The following PEX5 variants were observed in gnomAD, a reference collection of about 807,000 sequenced individuals.
The protein encoded by PEX5 is peroxisomal biogenesis factor 5.
A neutral mutation model predicts 82.9 loss-of-function variants in PEX5; 52 were observed. The observed-to-expected ratio is 0.63, with a 90% CI of 0.50 to 0.79. PEX5 has a LOEUF of 0.79. Ranked by LOEUF, PEX5 falls within the 30% of genes least tolerant of loss-of-function variation. PEX5 has a pLI of 0.00. For missense variants in PEX5, 719 were observed against 815.2 expected (o/e 0.88, Z 1.44); for synonymous variants, 300 against 318.8 (o/e 0.94, Z 0.63).
chr12:7,197,258 ATAAT>A (rs757415844), intron 5 of PEX5, among the ~76,000 whole-genome samples: 2 of 106,428 alleles, frequency 1.9e-5, no homozygotes, highest in South Asian at 3.0e-4. Context: ...GTCATATGTA[ATAAT>A]TATATATGTC....
chr12:7,209,865 ATGAATGAGCTT>A (rs1490403309), intron 15 of PEX5, 25 bp downstream of exon 15: 1 of 1,613,794 alleles, frequency 6.2e-7, no homozygotes, highest in South Asian at 1.1e-5. Context: ...TGAGAAATGA[ATGAATGAGCTT>A]TTTCTCCCTG....
chr12:7,196,390 TCATA>T (rs1332069823), intron 5 of PEX5, among the ~76,000 whole-genome samples: 31 of 138,222 alleles, frequency 2.2e-4, no homozygotes, highest in African/African-American at 6.4e-4. Context: ...TAATTATGTG[TCATA>T]CATATATGTG....
Position 7,202,610 on chromosome 12 carries a change from A to G in PEX5, c.754-2A>G. On this transcript the variant is annotated splice_acceptor_variant, in intron 8 of 15. Coordinates refer to ENST00000675855, the MANE Select transcript of PEX5 (RefSeq NM_001351132.2). LOFTEE classifies it high-confidence loss of function. Reference sequence around the variant, plus strand: ...GGTACTGACCATCCTTTTTTGTCGCAGGGTACATCAGATGCCTGGGTTGAC... The same window carrying G: ...GGTACTGACCATCCTTTTTTGTCGCGGGGTACATCAGATGCCTGGGTTGAC... 1 of 1,613,586 alleles carries G rather than the reference A, an allele frequency of 6.2e-7. No individual in the cohort carries two copies. The highest frequency in any genetic ancestry group is 8.5e-7 in the Non-Finnish European group (1 of 1,179,520).
At chr12:7,202,523 C>A in intron 8 of PEX5, 89 bp from the exon 9 acceptor site, 1 of 1,403,748 alleles carries the variant, frequency 7.1e-7, no homozygotes, top group Non-Finnish European at 1.0e-6. Flanking sequence ...CAGAAGTACC[C>A]AGGTTGGTGG....
At chr12:7,199,565 T>C (rs1386229861) in intron 6 of PEX5, among the ~76,000 whole-genome samples, 2 of 151,734 alleles carry the variant, frequency 1.3e-5, no homozygotes, top group Non-Finnish European at 2.9e-5. Context: ...AGAATTTTTC[T>C]TAGTACAGAA....
At chr12:7,203,399 C>T (rs1056950456) in intron 9 of PEX5, 33 bp from the exon 10 acceptor site, 19 of 1,597,940 alleles carry the variant, frequency 1.2e-5, no homozygotes, top group African/African-American at 5.4e-5. Flanking sequence ...CATGATGGAT[C>T]TCCTTTTTCT....
At position 7,203,199 on chromosome 12, in the gene PEX5, C is replaced by A. The variant is rs74462009; in HGVS notation, c.847-233C>A. Among the ~76,000 whole-genome samples the A allele has an allele frequency of 0.31, 37,740 of 121,404 alleles. 13,006 individuals carry two copies. The highest frequency in any genetic ancestry group is 0.34 in the African/African-American group (11,587 of 34,110). The allele number at this position is 121,404 out of a possible 152,430, so 79.6% of individuals were successfully genotyped here. A position where few individuals can be genotyped will look rare whatever the true frequency, so the allele number is the denominator to read the frequency against. On this transcript the variant is annotated intron_variant, in intron 9 of 15. Transcript: ENST00000675855. ...CTAAACTATGCACTGCACTGCACTG[C>A]ACTGCACTGCACTGCACTGCACTAC... is the stretch of plus-strand genomic sequence containing the variant.
At chr12:7,203,578 G>A in intron 10 of PEX5, 27 bp downstream of exon 10, 2 of 1,606,666 alleles carry the variant, frequency 1.2e-6, no homozygotes, top group Non-Finnish European at 1.7e-6. Context: ...TAGTTTTTCA[G>A]GTTCCAGAAC....
chr12:7,190,860 A>G (rs745770643), intron 2 of PEX5, 28 bp from the exon 3 acceptor site: 2 of 1,609,816 alleles, frequency 1.2e-6, no homozygotes, highest in Non-Finnish European at 1.7e-6. Flanking sequence ...GAACTGCGTC[A>G]TTGTACATCT....
intron 6 of PEX5, 75 bp from the exon 7 acceptor site, chr12:7,201,676 T>C: frequency 9.6e-7 from 1 of 1,040,694 alleles, no homozygotes; most frequent in Non-Finnish European, 1.5e-6. Context: ...GTCATTGTCA[T>C]GGGCTAGGAG....
At chr12:7,202,513 C>T in intron 8 of PEX5, 99 bp from the exon 9 acceptor site, 2 of 1,386,960 alleles carry the variant, frequency 1.4e-6, no homozygotes, top group East Asian at 2.3e-5. Context: ...ATGATTTTCT[C>T]AGAAGTACCC....
At chr12:7,214,570 G>A (rs1239288630), downstream of PEX5, among the ~76,000 whole-genome samples, 1 of 102,432 alleles carries the variant, frequency 9.8e-6, no homozygotes, top group Non-Finnish European at 1.8e-5. Context: ...CTGTTGTGGG[G>A]TGGGGGGAGG....
intron 5 of PEX5, 89 bp from the exon 6 acceptor site, chr12:7,198,922 G>C (rs1943215232): frequency 1.4e-6 from 1 of 714,630 alleles, no homozygotes; most frequent in Admixed American, 2.1e-5. Context: ...TGGCTAAGAG[G>C]GTCAGTTGAA....
downstream of PEX5, among the ~76,000 whole-genome samples, chr12:7,213,424 C>T (rs745791692): frequency 9.4e-4 from 105 of 112,062 alleles, no homozygotes; most frequent in African/African-American, 3.1e-3. Context: ...GAAATAACAC[C>T]GCATATCTAC....
chr12:7,213,422 A>T (rs771636885), downstream of PEX5, among the ~76,000 whole-genome samples: 7 of 115,118 alleles, frequency 6.1e-5, no homozygotes, highest in Admixed American at 9.4e-5. Flanking sequence ...CAGAAATAAC[A>T]CCGCATATCT....
intron 5 of PEX5, among the ~76,000 whole-genome samples, chr12:7,192,130 A>T (rs192469133): frequency 1.4e-4 from 22 of 152,360 alleles, no homozygotes; most frequent in Non-Finnish European, 1.5e-5. Flanking sequence ...GAAGGTAAAG[A>T]CCATACCATG....
intron 5 of PEX5, 120 bp downstream of exon 5, chr12:7,191,820 G>A: frequency 1.1e-6 from 1 of 928,696 alleles, no homozygotes; most frequent in Non-Finnish European, 1.8e-6. Flanking sequence ...TTTCTAGAGG[G>A]GTAGGGTACT....
Position 7,197,442 on chromosome 12 carries a change from A to G in PEX5, c.449-1569A>G, listed in dbSNP as rs1454970127. Among the ~76,000 whole-genome samples the G allele has an allele frequency of 3.5e-5, 4 of 114,926 alleles. No homozygotes were observed. The East Asian group carries it at 6.7e-4, about 19-fold the overall frequency. The allele number at this position is 114,926 out of a possible 152,430, so 75.4% of individuals were successfully genotyped here. On this transcript the variant is annotated intron_variant, in intron 5 of 15. Transcript: ENST00000675855. Reference sequence around the variant, plus strand: ...ATTATATGTCATATACAATGTAATTATGTTATATATAATGTAATAATTATA... The same window carrying G: ...ATTATATGTCATATACAATGTAATTGTGTTATATATAATGTAATAATTATA...
chr12:7,216,564 A>G (rs1316291082), intron 17 of PEX5, among the ~76,000 whole-genome samples: 2 of 128,236 alleles, frequency 1.6e-5, no homozygotes, highest in African/African-American at 2.5e-5. Context: ...TTTTACGATC[A>G]TAACTTCTAT....
Sources: gnomAD v4.1 joint callset for allele counts (sites outside exome capture counted in the v4.1 genomes callset) on GRCh38, gnomAD v4.1.1 for gene constraint, MANE v1.5 for transcripts, NCBI Gene and HGNC (gene_info 2026-07-23, HGNC 2026-07-21) for gene names.